SNED1: variants seen among roughly 807,000 people sequenced by gnomAD.
SNED1 encodes sushi, nidogen and EGF-like domain-containing protein 1.
Under a neutral mutation model 166.7 loss-of-function variants are expected in SNED1, and 81 were observed. The observed-to-expected ratio is 0.49, with a 90% CI of 0.41 to 0.58. The LOEUF is 0.58. Ranked by LOEUF, SNED1 falls within the 20% of genes least tolerant of loss-of-function variation. The pLI is 0.00. For missense variants in SNED1, 1,604 were observed against 2,000.2 expected (o/e 0.80, Z 3.78); for synonymous variants, 762 against 822.0 (o/e 0.93, Z 1.25).
At chr2:241,036,599 G>GCCCCTGCTCCCCTGCT (rs201787806) in intron 4 of SNED1, among the ~76,000 whole-genome samples, 191 bp from the exon 5 acceptor site, 7 of 152,088 alleles carry the variant, frequency 4.6e-5, no homozygotes, top group Admixed American at 3.9e-4. Context: ...CAACAGCACC[G>GCCCCTGCTCCCCTGCT]CCCCTGCTCC....
chr2:241,043,751 T>C (rs2061574432), intron 8 of SNED1, among the ~76,000 whole-genome samples: 1 of 152,362 alleles, frequency 6.6e-6, no homozygotes, highest in African/African-American at 2.4e-5. Flanking sequence ...ACTTTTGGCT[T>C]TGTGAGCCAT....
At chr2:241,015,844 G>A (rs1387628006) in intron 1 of SNED1, 1 of 153,230 alleles carries the variant, frequency 6.5e-6, no homozygotes, top group African/African-American at 2.4e-5. Flanking sequence ...AAAAGCAAGT[G>A]TTCCGGGTTC....
rs1391560511 is a variant in SNED1, at chr2:241,092,415, A to C, written c.*779A>C. 1 of 152,166 alleles carries C rather than the reference A, an allele frequency of 6.6e-6. No homozygotes were observed. The highest frequency in any genetic ancestry group is 2.4e-5 in the African/African-American group (1 of 41,440). The allele number at this position is 152,166 out of a possible 1,614,324, so 9.4% of individuals were successfully genotyped here. On this transcript the variant is annotated 3_prime_UTR_variant, in exon 32 of 32. Coordinates refer to ENST00000310397, the MANE Select transcript of SNED1 (RefSeq NM_001080437.3). This position sits in a 1 kb window ranked among gnomAD's most constrained non-coding sequence, Gnocchi z 4.6. Reference sequence around the variant, plus strand: ...ATGGCTGCGGCTATGTTCCAATAAAAACTTATTTACAATAACAGGTGGTGG... The same window carrying C: ...ATGGCTGCGGCTATGTTCCAATAAACACTTATTTACAATAACAGGTGGTGG...
intron 8 of SNED1, among the ~76,000 whole-genome samples, chr2:241,045,000 C>T (rs1331751187): frequency 4.6e-5 from 7 of 152,112 alleles, no homozygotes; most frequent in Non-Finnish European, 7.4e-5. Context: ...TCCTGAGCTC[C>T]CCCAAGTTGA....
chr2:241,012,895 A>G (rs2060459817), intron 1 of SNED1, among the ~76,000 whole-genome samples: 1 of 145,480 alleles, frequency 6.9e-6, no homozygotes, highest in African/African-American at 2.6e-5. Context: ...GAGTGCAGTG[A>G]CGTGATCTCA....
intron 16 of SNED1, among the ~76,000 whole-genome samples, chr2:241,056,465 T>C (rs1290952210): frequency 7.0e-6 from 1 of 143,108 alleles, no homozygotes; most frequent in Non-Finnish European, 1.5e-5. Flanking sequence ...ACAAAATGGA[T>C]ACAACAGAAG....
intron 1 of SNED1, among the ~76,000 whole-genome samples, chr2:241,024,264 T>TA (rs1166076723): frequency 5.8e-4 from 71 of 121,836 alleles, no homozygotes; most frequent in Middle Eastern, 5.3e-3. Context: ...TTTTTTTTTT[T>TA]AGACAGAGTC....
intron 1 of SNED1, among the ~76,000 whole-genome samples, chr2:241,012,322 C>T (rs764054913): frequency 6.6e-6 from 1 of 152,180 alleles, no homozygotes; most frequent in African/African-American, 2.4e-5. Context: ...AAAACATAAA[C>T]GTGCAAAAAA....
At chr2:241,063,430 G>A (rs1333493150) in intron 17 of SNED1, 157 bp from the exon 18 acceptor site, 2 of 648,860 alleles carry the variant, frequency 3.1e-6, no homozygotes, top group African/African-American at 3.6e-5. Flanking sequence ...AGGAGGGGTG[G>A]GTTTGGGGCT....
chr2:241,021,381 A>G (rs571038385), intron 1 of SNED1, among the ~76,000 whole-genome samples: 1 of 152,224 alleles, frequency 6.6e-6, no homozygotes, highest in Non-Finnish European at 1.5e-5. Flanking sequence ...CATCACCACA[A>G]TCCATTGTGG....
chr2:241,088,621 C>T (rs1163573949), intron 31 of SNED1: 3 of 561,422 alleles, frequency 5.3e-6, no homozygotes, highest in Non-Finnish European at 6.3e-6. Context: ...ACAAATACAC[C>T]TTCAGGTGGA....
chr2:241,049,809 G>T lies in SNED1; in HGVS notation c.1619-8G>T, dbSNP rs757462052. On this transcript the variant is annotated splice_region_variant and splice_polypyrimidine_tract_variant and intron_variant, in intron 11 of 31. Transcript: ENST00000310397. ...GCTCCAGGACCACCCTCTGTCCCCC[G>T]CCCCCAGCCCTGCCATCACCCTGCG... 62 of 1,606,816 alleles carry T rather than the reference G, an allele frequency of 3.9e-5. No individual in the cohort carries two copies. The highest frequency in any genetic ancestry group is 5.1e-5 in the Non-Finnish European group (60 of 1,174,024).
chr2:241,058,394 C>T (rs189066736), intron 16 of SNED1, among the ~76,000 whole-genome samples: 187 of 151,618 alleles, frequency 1.2e-3, no homozygotes, highest in African/African-American at 4.0e-3. Context: ...AAAAAAAATA[C>T]GAAATGATGC....
Position 241,069,653 on chromosome 2 carries a change from C to T in SNED1, c.3308-267C>T, listed in dbSNP as rs963600233. Reference sequence around the variant, plus strand: ...AACCGACTGTGCCGCAGGGAGGGCGCCAGCTGACGGGCCAGGGCCTGGGGG... The same window carrying T: ...AACCGACTGTGCCGCAGGGAGGGCGTCAGCTGACGGGCCAGGGCCTGGGGG... On this transcript the variant is annotated intron_variant, in intron 23 of 31. Coordinates refer to ENST00000310397, the MANE Select transcript of SNED1 (RefSeq NM_001080437.3). The surrounding 1 kb of genome is among the most constrained non-coding windows in gnomAD (Gnocchi z 4.9). Among the ~76,000 whole-genome samples, 1 of 152,154 alleles carries T rather than the reference C, an allele frequency of 6.6e-6. No homozygotes were observed. Among genetic ancestry groups the T allele is most frequent in the African/African-American group, 2.4e-5 (1 of 41,424 alleles).
chr2:241,062,562 T>C (rs948136747), intron 16 of SNED1, among the ~76,000 whole-genome samples: 20 of 152,134 alleles, frequency 1.3e-4, no homozygotes, highest in African/African-American at 4.6e-4. Flanking sequence ...CTGGGAGCCC[T>C]GGGGTGGTTT....
Position 241,063,717 on chromosome 2 carries a change from G to T in SNED1, c.2485+17G>T. 2.0e-6 allele frequency: 3 copies of T among 1,520,350 alleles called. No individual in the cohort carries two copies. Among genetic ancestry groups the T allele is most frequent in the Non-Finnish European group, 2.7e-6 (3 of 1,103,282 alleles). The allele number at this position is 1,520,350 out of a possible 1,614,324, so 94.2% of individuals were successfully genotyped here. ...GTGAGACAGGTAGGGGCTCCCTCCA[G>T]TGGGCCCCACATGCAGAGCCTGGGC... is the stretch of plus-strand genomic sequence containing the variant. On this transcript the variant is annotated intron_variant, in intron 18 of 31. Coordinates refer to ENST00000310397, the MANE Select transcript of SNED1 (RefSeq NM_001080437.3).
At chr2:241,006,108 C>T (rs1052170682) in intron 1 of SNED1, among the ~76,000 whole-genome samples, 1 of 152,096 alleles carries the variant, frequency 6.6e-6, no homozygotes, top group Non-Finnish European at 1.5e-5. Flanking sequence ...GCCTGTCCTT[C>T]ATTTTGAATA....
In SNED1 at chr2:241,034,740, C is replaced by T; in HGVS notation, c.805+10C>T. 2.6e-6 allele frequency: 4 copies of T among 1,538,940 alleles called. No individual in the cohort carries two copies. Among genetic ancestry groups the T allele is most frequent in the Non-Finnish European group, 2.6e-6 (3 of 1,138,518 alleles). On this transcript the variant is annotated intron_variant, in intron 4 of 31. Transcript: ENST00000310397. ...GGCTGCGGCCATACAAGTAAGAGGA[C>T]AGAGGAGCAGCTTGGGGTGGGAGCG...
chr2:241,040,307 C>T lies in SNED1; in HGVS notation c.1167C>T (p.Asp389=), dbSNP rs777591593. ...YTGAACEMDV[D]DCSPDPCLNG... ...ACCTCTGCTGCCCCTCAGATGTGGA[C>T]GACTGCAGCCCTGACCCCTGCCTGA... Residue 389 remains aspartate (D), a synonymous_variant, in exon 8 of 32, where the codon GAC becomes GAT. Transcript: ENST00000310397. The T allele has an allele frequency of 8.7e-6, 14 of 1,601,802 alleles. No individual in the cohort carries two copies. Among genetic ancestry groups the T allele is most frequent in the Admixed American group, 1.7e-5 (1 of 58,510 alleles).
Sources: gnomAD v4.1 joint callset for allele counts (sites outside exome capture counted in the v4.1 genomes callset) on GRCh38, gnomAD v4.1.1 for gene constraint, Gnocchi (gnomAD v3.1) non-coding constraint, MANE v1.5 for transcripts, NCBI Gene and HGNC (gene_info 2026-07-23, HGNC 2026-07-21) for gene names.